WDR72: variants seen among roughly 807,000 people sequenced by gnomAD.
WDR72 encodes the protein WD repeat-containing protein 72.
WDR72 carries 120 observed loss-of-function variants against 124.2 expected under a neutral mutation model. The observed-to-expected ratio is 0.97, with a 90% CI of 0.83 to 1.12. The LOEUF (loss-of-function observed/expected upper bound fraction) is 1.12. WDR72 is among the 50% of genes most tolerant of loss of function. The pLI, the probability that WDR72 is intolerant of heterozygous loss-of-function variation, is 0.00. For synonymous variants in WDR72, 452 were observed against 441.7 expected, an observed-to-expected ratio of 1.02 and a Z score of -0.29; for missense variants, 1,387 against 1,278.8, an observed-to-expected ratio of 1.08 and a Z score of -1.29.
intron 14 of WDR72, among the ~76,000 whole-genome samples, chr15:53,623,025 T>G (rs2140380045): frequency 6.6e-6 from 1 of 152,282 alleles, no homozygotes; most frequent in Non-Finnish European, 1.5e-5. Context: ...TCACAAGAGA[T>G]AAACAAAGAG....
Position 53,615,681 on chromosome 15 carries a change from A to C in WDR72, c.2525T>G (p.Met842Arg), listed in dbSNP as rs2013729253. The C allele has an allele frequency of 6.2e-7, 1 of 1,611,912 alleles. No homozygotes were observed. The highest frequency in any genetic ancestry group is 2.2e-5 in the East Asian group (1 of 44,826). The change falls in exon 15 of 20, where the codon ATG becomes AGG. Residue 842 changes from methionine (M) to arginine (R), a missense_variant. Physicochemically the swap from Met to Arg is moderately conservative, Grantham distance 91 (BLOSUM62 -1). Transcript: ENST00000360509. ...ISLNEDNFSL[M>R]LPGWDLCNSG... is the part of the protein sequence containing the mutation. The stretch of plus-strand genomic sequence containing the variant: ...ATTGCATAAATCCCAACCTGGCAAC[A>C]TCAGTGAGAAATTATCTTCATTCAA...
intron 4 of WDR72, among the ~76,000 whole-genome samples, chr15:53,715,916 G>A (rs2017692146): frequency 6.6e-6 from 1 of 152,104 alleles, no homozygotes. Flanking sequence ...GGGCATTTGA[G>A]GATTATTATG....
Position 53,702,163 on chromosome 15 carries a change from T to G in WDR72, c.1540A>C (p.Ser514Arg). 6.2e-7 allele frequency: 1 copy of G among 1,613,934 alleles called. No individual in the cohort carries two copies. Among genetic ancestry groups the G allele is most frequent in the Non-Finnish European group, 8.5e-7 (1 of 1,179,984 alleles). Residue 514 changes from serine to arginine, a missense_variant, in exon 12 of 20, where the codon AGT (serine) becomes CGT (arginine). Ser to Arg is a moderately radical substitution (Grantham distance 110). Coordinates refer to ENST00000360509, the MANE Select transcript of WDR72 (RefSeq NM_182758.4). ...KFFLEAGPVTSLLMSPEKFKL... is the reference protein window; with the variant it reads ...KFFLEAGPVTRLLMSPEKFKL... The stretch of plus-strand genomic sequence containing the variant: ...AACTTCTCTGGTGACATCAAAAGAC[T>G]TGTTACTGGACCAGCTTCCAAAAAG...
intron 18 of WDR72, among the ~76,000 whole-genome samples, chr15:53,535,423 A>C (rs150761664): frequency 3.8e-4 from 58 of 152,320 alleles, no homozygotes; most frequent in African/African-American, 1.3e-3. Flanking sequence ...CATGAGTTTA[A>C]GATCACAGAG....
chr15:53,737,335 G>T (rs747621190), intron 1 of WDR72, among the ~76,000 whole-genome samples: 1 of 152,066 alleles, frequency 6.6e-6, no homozygotes, highest in Non-Finnish European at 1.5e-5. Context: ...AATAAATAAT[G>T]TTAGCAACAG....
chr15:53,712,710 G>C, intron 7 of WDR72, 62 bp downstream of exon 7: 1 of 1,488,854 alleles, frequency 6.7e-7, no homozygotes, highest in South Asian at 1.2e-5. Context: ...TCTTATTTTT[G>C]TACAAAACAA....
At chr15:53,709,982 T>C (rs1353319575) in intron 9 of WDR72, among the ~76,000 whole-genome samples, 1 of 152,192 alleles carries the variant, frequency 6.6e-6, no homozygotes, top group African/African-American at 2.4e-5. Context: ...AATTAACTGA[T>C]GACAAAGTCC....
intron 16 of WDR72, among the ~76,000 whole-genome samples, chr15:53,612,584 A>ACC (rs1313421760): frequency 4.6e-5 from 7 of 152,048 alleles, no homozygotes; most frequent in Non-Finnish European, 8.8e-5. Flanking sequence ...AGGCTAGGGT[A>ACC]GCTGGAATGA....
chr15:53,613,836 C>T (rs1363806214), intron 15 of WDR72, 79 bp from the exon 16 acceptor site: 15 of 938,580 alleles, frequency 1.6e-5, no homozygotes, highest in Non-Finnish European at 2.6e-5. Context: ...GATATGGGTA[C>T]ATGACCACTT....
intron 9 of WDR72, among the ~76,000 whole-genome samples, chr15:53,706,914 T>C (rs1290217237): frequency 6.6e-6 from 1 of 152,086 alleles, no homozygotes; most frequent in East Asian, 1.9e-4. Context: ...AGAATATGAA[T>C]ATTGGGCACC....
At position 53,616,005 on chromosome 15, in the gene WDR72, C is replaced by A. The variant is rs774589473; in HGVS notation, c.2201G>T (p.Cys734Phe). Residue 734 changes from cysteine (C) to phenylalanine (F), a missense_variant, in exon 15 of 20, where the codon TGT becomes TTT. Cys to Phe is a radical substitution (Grantham distance 205, BLOSUM62 -2). Transcript: ENST00000360509. Reference sequence around the variant, plus strand: ...TAGTGCCTCTGCTGAAAGAGGACCACAGGCAGTTTTACTTTTTCTCAGTGT... The same window carrying A: ...TAGTGCCTCTGCTGAAAGAGGACCAAAGGCAGTTTTACTTTTTCTCAGTGT... ...TLTLRKSKTA[C>F]GPLSAEALAK... 6.2e-7 allele frequency: 1 copy of A among 1,613,308 alleles called. No homozygotes were observed. The highest frequency in any genetic ancestry group is 1.1e-5 in the South Asian group (1 of 91,058).
chr15:53,615,644 T>C lies in WDR72; in HGVS notation c.2562A>G (p.Ile854Met). ...ATAAATTTACTCCTGAATAGTCTTT[T>C]ATCATTCCACTATTGCATAAATCCC... ...PGWDLCNSGM[I>M]KDYSGVNLFS... Residue 854 changes from isoleucine (I) to methionine (M), a missense_variant, in exon 15 of 20, where the codon ATA becomes ATG. Coordinates refer to ENST00000360509, the MANE Select transcript of WDR72 (RefSeq NM_182758.4). The C allele has an allele frequency of 1.9e-6, 3 of 1,612,298 alleles. No individual in the cohort carries two copies. Among genetic ancestry groups the C allele is most frequent in the East Asian group, 2.2e-5 (1 of 44,822 alleles).
intron 18 of WDR72, among the ~76,000 whole-genome samples, chr15:53,588,453 C>T (rs1204518785): frequency 2.0e-5 from 3 of 151,984 alleles, no homozygotes; most frequent in African/African-American, 7.2e-5. Context: ...GAACCTTAGA[C>T]ATAGTAAGTG....
At chr15:53,593,321 G>C (rs1055567800) in intron 18 of WDR72, among the ~76,000 whole-genome samples, 5 of 152,060 alleles carry the variant, frequency 3.3e-5, no homozygotes, top group African/African-American at 1.2e-4. Context: ...TGCAAGTATG[G>C]AAAACGTAGC....
At chr15:53,715,748 C>T (rs899655394) in intron 4 of WDR72, among the ~76,000 whole-genome samples, 16 of 152,250 alleles carry the variant, frequency 1.1e-4, no homozygotes, top group African/African-American at 3.6e-4. Context: ...CCACTTGAGG[C>T]CAGGAATTTG....
rs147586201 is a variant in WDR72, at chr15:53,641,001, A to T, written c.1962+24571T>A. On this transcript the variant is annotated intron_variant, in intron 14 of 19. Coordinates refer to ENST00000360509, the MANE Select transcript of WDR72 (RefSeq NM_182758.4). ...AATTTTTTAAGTAGTAAAAATATTC[A>T]TTTTTTTCATTTTTTTCTGAAATTT... 2.6e-3 allele frequency among the ~76,000 whole-genome samples: 397 copies of T among 151,792 alleles called. 3 individuals carry two copies. The highest frequency in any genetic ancestry group is 9.2e-3 in the African/African-American group (382 of 41,412).
At position 53,625,254 on chromosome 15, in the gene WDR72, T is replaced by C. The variant is rs987701074; in HGVS notation, c.1963-9011A>G. Among the ~76,000 whole-genome samples the C allele has an allele frequency of 5.3e-5, 8 of 152,338 alleles. No individual in the cohort carries two copies. In the East Asian group the frequency reaches 9.6e-4, roughly 18 times the overall value. On this transcript the variant is annotated intron_variant, in intron 14 of 19. Transcript: ENST00000360509. ...CAAAAATGTGAGGAGTAAATACAAA[T>C]TTTAAGTGATTGGTTTACATGTTGT...
chr15:53,602,602 A>G (rs1042582750), intron 17 of WDR72, among the ~76,000 whole-genome samples: 3 of 152,160 alleles, frequency 2.0e-5, no homozygotes, highest in Non-Finnish European at 4.4e-5. Context: ...AGACTAATAA[A>G]GAAGAAAAGA....
chr15:53,608,178 A>T (rs557128874), intron 17 of WDR72, among the ~76,000 whole-genome samples: 36 of 152,328 alleles, frequency 2.4e-4, no homozygotes, highest in African/African-American at 8.4e-4. Flanking sequence ...GCAAACCAGT[A>T]TATCAAAGAG....
Sources: allele counts gnomAD v4.1 joint callset (sites outside exome capture counted in the v4.1 genomes callset), GRCh38; gene constraint gnomAD v4.1.1; transcripts MANE v1.5; gene names NCBI Gene and HGNC (gene_info 2026-07-23, HGNC 2026-07-21).